The following GSDME variants were observed in gnomAD, a reference collection of about 807,000 sequenced individuals.
GSDME encodes the protein gasdermin-E.
Under a neutral mutation model 47.5 loss-of-function variants are expected in GSDME, and 44 were observed. The observed-to-expected ratio is 0.93, with a 90% confidence interval of 0.73 to 1.19. The LOEUF (loss-of-function observed/expected upper bound fraction) is 1.19, where lower values mean the gene tolerates loss of function less well. Among genes scored for constraint, GSDME ranks in the 50% most tolerant of loss-of-function variants. The pLI is 0.00. For missense variants in GSDME, 663 were observed against 604.2 expected, an observed-to-expected ratio of 1.10 and a Z score of -1.02; for synonymous variants, 258 against 252.8, an observed-to-expected ratio of 1.02 and a Z score of -0.20.
rs1789111337 is a variant in GSDME at position 24,706,481 on chromosome 7, C to A, written c.991-105G>T. 2.6e-6 allele frequency: 3 copies of A among 1,153,914 alleles called. No homozygotes were observed. In the Admixed American group the frequency reaches 7.0e-5, roughly 27 times the overall value. 71.5% of individuals were successfully genotyped at this position (1,153,914 alleles called of 1,614,324 possible). On this transcript the variant is annotated intron_variant, in intron 7 of 9. Transcript: ENST00000645220. ...ACAAGCCCCAGCCCTTCCCACTCCCCCGAGGAAAGTACGACCCGCAGCTCT... is the reference window on the plus strand; with the variant it reads ...ACAAGCCCCAGCCCTTCCCACTCCCACGAGGAAAGTACGACCCGCAGCTCT...
At chr7:24,759,212 G>C (rs1240925984), upstream of GSDME, among the ~76,000 whole-genome samples, 1 of 152,140 alleles carries the variant, frequency 6.6e-6, no homozygotes, top group Non-Finnish European at 1.5e-5. Context: ...ATTCTGGCTT[G>C]TTGCCAGAGA....
chr7:24,705,994 GCA>G lies in GSDME; in HGVS notation c.1183+188_1183+189del, dbSNP rs1491177054. Reference sequence around the variant, plus strand: ...AGGGAGGCTTGTGCTGGATGGAAAGGCACAGACTCGAGACCGAAGGGGGGTTT... The same window carrying G: ...AGGGAGGCTTGTGCTGGATGGAAAGGCAGACTCGAGACCGAAGGGGGGTTT... On this transcript the variant is annotated intron_variant, in intron 8 of 9. Coordinates refer to ENST00000645220, the MANE Select transcript of GSDME (RefSeq NM_001127453.2). The surrounding 1 kb of genome is among the most constrained non-coding windows in gnomAD (Gnocchi z 4.1). 8.5e-6 allele frequency: 6 copies of G among 707,590 alleles called. No homozygotes were observed. The highest frequency in any genetic ancestry group is 1.5e-5 in the Non-Finnish European group (6 of 410,062). The allele number at this position is 707,590 out of a possible 1,614,324, so 43.8% of individuals were successfully genotyped here. A position where few individuals can be genotyped will look rare whatever the true frequency, so the allele number is the denominator to read the frequency against.
Position 24,706,840 on chromosome 7 carries a change from G to A in GSDME, c.991-464C>T, listed in dbSNP as rs945410383. Among the ~76,000 whole-genome samples the A allele has an allele frequency of 5.3e-5, 8 of 151,758 alleles. No homozygotes were observed. The East Asian group carries it at 1.2e-3, about 22-fold the overall frequency. On this transcript the variant is annotated intron_variant, in intron 7 of 9. Coordinates refer to ENST00000645220, the MANE Select transcript of GSDME (RefSeq NM_001127453.2). ...GGCGACCCTGCTGGAGAGCCAGTTCGGACCACCCCGCCAATTCTGCACCAC... is the reference window on the plus strand; with the variant it reads ...GGCGACCCTGCTGGAGAGCCAGTTCAGACCACCCCGCCAATTCTGCACCAC...
At chr7:24,707,236 C>G (rs1368519913) in intron 7 of GSDME, 4 of 456,544 alleles carry the variant, frequency 8.8e-6, no homozygotes, top group Non-Finnish European at 1.8e-5. Context: ...ATTCAAACTC[C>G]CTGCATAATA....
the GSDME span, among the ~76,000 whole-genome samples, chr7:24,766,109 G>C: frequency 1.1e-3 from 174 of 151,598 alleles, 1 homozygote; most frequent in African/African-American, 3.9e-3. The surrounding 1 kb of genome is among the most constrained non-coding windows in gnomAD (Gnocchi z 4.2). Context: ...ATGTTCTCTA[G>C]GTTAGTGACT....
rs576307430 is a variant in GSDME, at chr7:24,722,239, G to C, written c.405-3021C>G. Among the ~76,000 whole-genome samples, 23 of 152,334 alleles carry C rather than the reference G, an allele frequency of 1.5e-4. No homozygotes were observed. In the South Asian group the frequency reaches 4.6e-3, roughly 30 times the overall value. On this transcript the variant is annotated intron_variant, in intron 3 of 9. Coordinates refer to ENST00000645220, the MANE Select transcript of GSDME (RefSeq NM_001127453.2). The stretch of plus-strand genomic sequence containing the variant: ...AGGTTTTTTCCTCTATTGGTTGAAT[G>C]AATGTGTACATATGTATTTGTGCAT...
In GSDME at chr7:24,735,602, C is replaced by CAA. The variant is rs1359860226; in HGVS notation, c.404+8958_404+8959dup. On this transcript the variant is annotated intron_variant, in intron 3 of 9. Transcript: ENST00000645220. The surrounding 1 kb of genome is among the most constrained non-coding windows in gnomAD (Gnocchi z 4.4). ...CGAAACCACATCTCTACTAAAAATA[C>CAA]AAAAAAGTAGCCGGGCGTGGTGGTG... is the stretch of plus-strand genomic sequence containing the variant. Among the ~76,000 whole-genome samples the CAA allele has an allele frequency of 6.6e-6, 1 of 151,748 alleles. No individual in the cohort carries two copies. The highest frequency in any genetic ancestry group is 1.5e-5 in the Non-Finnish European group (1 of 67,922).
chr7:24,775,078 C>T, the GSDME span, among the ~76,000 whole-genome samples: 5 of 152,266 alleles, frequency 3.3e-5, no homozygotes, highest in African/African-American at 1.2e-4. Flanking sequence ...ATATTTCACC[C>T]GCAGTGTTTC....
the GSDME span, among the ~76,000 whole-genome samples, chr7:24,794,402 C>A: frequency 6.6e-6 from 1 of 151,918 alleles, no homozygotes. Context: ...GGGGAGAGAC[C>A]GGCGGGAGTA....
At chr7:24,704,446 GATTAT>G (rs1789010736) in intron 8 of GSDME, 1 of 152,264 alleles carries the variant, frequency 6.6e-6, no homozygotes, top group East Asian at 1.9e-4. Flanking sequence ...AAGGAGAGAA[GATTAT>G]ATTAAGAGGA....
Position 24,736,303 on chromosome 7 carries a change from T to C in GSDME, c.404+8259A>G, listed in dbSNP as rs1399174145. Among the ~76,000 whole-genome samples the C allele has an allele frequency of 6.6e-6, 1 of 151,666 alleles. No individual in the cohort carries two copies. The highest frequency in any genetic ancestry group is 2.4e-5 in the African/African-American group (1 of 41,260). On this transcript the variant is annotated intron_variant, in intron 3 of 9. Transcript: ENST00000645220. The surrounding 1 kb of genome is among the most constrained non-coding windows in gnomAD (Gnocchi z 4.6). Reference sequence around the variant, plus strand: ...AACACCCTTCACCTATAAAGACACATATAGACTGAAAATAAAGGGATGGAA... The same window carrying C: ...AACACCCTTCACCTATAAAGACACACATAGACTGAAAATAAAGGGATGGAA...
Position 24,745,296 on chromosome 7 carries a change from A to G in GSDME, c.212-542T>C, listed in dbSNP as rs974155341. On this transcript the variant is annotated intron_variant, in intron 2 of 9. Coordinates refer to ENST00000645220, the MANE Select transcript of GSDME (RefSeq NM_001127453.2). The surrounding 1 kb of genome is among the most constrained non-coding windows in gnomAD (Gnocchi z 4.4). Reference sequence around the variant, plus strand: ...GCCCCTATTCTGGATGCACCGCGAGAGGACAGCCTTCCTTGGCCACCTAGG... The same window carrying G: ...GCCCCTATTCTGGATGCACCGCGAGGGGACAGCCTTCCTTGGCCACCTAGG... Among the ~76,000 whole-genome samples the G allele has an allele frequency of 6.6e-6, 1 of 152,176 alleles. No individual in the cohort carries two copies. The highest frequency in any genetic ancestry group is 1.5e-5 in the Non-Finnish European group (1 of 68,018).
chr7:24,699,772 TACTCTC>T (rs1788787211), intron 9 of GSDME, among the ~76,000 whole-genome samples: 1 of 152,232 alleles, frequency 6.6e-6, no homozygotes, highest in Non-Finnish European at 1.5e-5. Context: ...TCTGAATCCC[TACTCTC>T]CAAACTCTTT....
intron 1 of GSDME, among the ~76,000 whole-genome samples, chr7:24,753,474 C>G (rs1296821267): frequency 6.6e-6 from 1 of 152,176 alleles, no homozygotes; most frequent in Non-Finnish European, 1.5e-5. Context: ...CCAGGAAATA[C>G]CCCATACGGA....
At chr7:24,749,820 C>G in intron 1 of GSDME, 27 bp from the exon 2 acceptor site, 1 of 1,495,036 alleles carries the variant, frequency 6.7e-7, no homozygotes, top group Non-Finnish European at 9.3e-7. Flanking sequence ...ATCCTAAAAT[C>G]AAATAAGAAG....
upstream of GSDME, among the ~76,000 whole-genome samples, chr7:24,759,639 A>T (rs914200646): frequency 2.0e-5 from 3 of 152,240 alleles, no homozygotes; most frequent in Non-Finnish European, 4.4e-5. Context: ...CCAAGATTTT[A>T]ACCCAGGTTG....
chr7:24,710,084 C>A (rs1789284293), intron 6 of GSDME, 140 bp downstream of exon 6: 2 of 941,040 alleles, frequency 2.1e-6, no homozygotes, highest in South Asian at 1.3e-5. Flanking sequence ...GTGGACTGGG[C>A]CTCGGCGGCA....
rs1449674625 is a variant in GSDME at position 24,712,818 on chromosome 7, A to C, written c.698-2430T>G. Reference sequence around the variant, plus strand: ...CGGATCACCTGAGGTCAGGAGTTTGAGACCAGCCTGACCAACATGGAGAAA... The same window carrying C: ...CGGATCACCTGAGGTCAGGAGTTTGCGACCAGCCTGACCAACATGGAGAAA... On this transcript the variant is annotated intron_variant, in intron 5 of 9. Transcript: ENST00000645220. This position sits in a 1 kb window ranked among gnomAD's most constrained non-coding sequence, Gnocchi z 4.4. Among the ~76,000 whole-genome samples, 1 of 152,190 alleles carries C rather than the reference A, an allele frequency of 6.6e-6. No individual in the cohort carries two copies. The highest frequency in any genetic ancestry group is 1.9e-4 in the East Asian group (1 of 5,192).
chr7:24,791,597 G>A, the GSDME span, among the ~76,000 whole-genome samples: 18 of 152,188 alleles, frequency 1.2e-4, no homozygotes, highest in Non-Finnish European at 2.2e-4. The surrounding 1 kb of genome is among the most constrained non-coding windows in gnomAD (Gnocchi z 4.8). Flanking sequence ...AGCAGTTGTG[G>A]CATGGCTATT....
Sources: allele counts gnomAD v4.1 joint callset (sites outside exome capture counted in the v4.1 genomes callset), GRCh38; gene constraint gnomAD v4.1.1; non-coding constraint Gnocchi (gnomAD v3.1); transcripts MANE v1.5; gene names NCBI Gene and HGNC (gene_info 2026-07-23, HGNC 2026-07-21).